Variants in SARDH observed in about 807,000 individuals in gnomAD.
SARDH encodes sarcosine dehydrogenase, also known as sarcosine dehydrogenase, mitochondrial.
In SARDH, 95 loss-of-function variants were observed where a neutral mutation model predicts 109.1. That is an observed-to-expected ratio of 0.87 (90% confidence interval 0.74 to 1.03). The LOEUF is 1.03. Among genes scored for constraint, SARDH ranks in the 50% least tolerant of loss-of-function variants. The pLI, the probability that SARDH is intolerant of heterozygous loss-of-function variation, is 0.00. For missense variants in SARDH, 1,267 were observed against 1,287.8 expected (o/e 0.98, Z 0.25); for synonymous variants, 572 against 534.8 (o/e 1.07, Z -0.96).
In SARDH at chr9:133,663,726, G is replaced by T; in HGVS notation, c.*163C>A. 3 of 946,530 alleles carry T rather than the reference G, an allele frequency of 3.2e-6. No individual in the cohort carries two copies. Among genetic ancestry groups the T allele is most frequent in the Non-Finnish European group, 3.2e-6 (2 of 622,056 alleles). The allele number at this position is 946,530 out of a possible 1,614,324, so 58.6% of individuals were successfully genotyped here. A position where few individuals can be genotyped will look rare whatever the true frequency, so the allele number is the denominator to read the frequency against. ...CAGTGACCACAGGATGGGCCATCTT[G>T]GTCTCTGTCCGTATCTGGTTTGGGG... On this transcript the variant is annotated 3_prime_UTR_variant, in exon 21 of 21. Transcript: ENST00000439388.
At chr9:133,713,292 G>A (rs971551264) in intron 8 of SARDH, among the ~76,000 whole-genome samples, 168 bp from the exon 9 acceptor site, 3 of 146,196 alleles carry the variant, frequency 2.1e-5, no homozygotes, top group Non-Finnish European at 3.0e-5. Flanking sequence ...GGGCCTCCCC[G>A]CTGGCTCCTG....
chr9:133,717,649 C>T (rs1361060748), intron 7 of SARDH, among the ~76,000 whole-genome samples, 194 bp from the exon 8 acceptor site: 1 of 151,820 alleles, frequency 6.6e-6, no homozygotes, highest in Non-Finnish European at 1.5e-5. Flanking sequence ...TGTCTGCTCC[C>T]CCTCCCCACC....
At position 133,670,612 on chromosome 9, in the gene SARDH, G is replaced by T. The variant is rs368340490; in HGVS notation, c.2467C>A (p.Arg823=). The change falls in exon 19 of 21, where the codon CGG becomes AGG. Residue 823 remains arginine, a synonymous_variant. Coordinates refer to ENST00000439388, the MANE Select transcript of SARDH (RefSeq NM_001134707.2). ...LEQQRAAGLR[R]RLVCFTMEDK... ...TCCATGGTGAAGCACACCAGGCGCC[G>T]GCGGAGGCCTGCGGCCCGCTGCTGC... is the stretch of plus-strand genomic sequence containing the variant. 5 of 1,578,372 alleles carry T rather than the reference G, an allele frequency of 3.2e-6. No individual in the cohort carries two copies. Among genetic ancestry groups the T allele is most frequent in the Admixed American group, 1.8e-5 (1 of 54,928 alleles).
intron 6 of SARDH, among the ~76,000 whole-genome samples, chr9:133,720,500 C>T (rs1041735973): frequency 2.0e-5 from 3 of 152,206 alleles, no homozygotes; most frequent in South Asian, 2.1e-4. Context: ...TGTGTTCTCA[C>T]GCTGCTAATA....
Position 133,733,875 on chromosome 9 carries a change from C to G in SARDH, c.299G>C (p.Arg100Pro). 1 of 1,488,430 alleles carries G rather than the reference C, an allele frequency of 6.7e-7. No homozygotes were observed. The highest frequency in any genetic ancestry group is 8.9e-7 in the Non-Finnish European group (1 of 1,119,042). 92.2% of individuals were successfully genotyped at this position (1,488,430 alleles called of 1,614,324 possible). A position where few individuals can be genotyped will look rare whatever the true frequency, so the allele number is the denominator to read the frequency against. ...GTGCCAGGTGGTCCCGGAGGTCAGCCGCTCCCGCTCCAGCAGCACCGCCCC... is the reference window on the plus strand; with the variant it reads ...GTGCCAGGTGGTCCCGGAGGTCAGCGGCTCCCGCTCCAGCAGCACCGCCCC... ...MSGAVLLERE[R>P]LTSGTTWHTA... The change falls in exon 2 of 21, where the codon CGG (arginine) becomes CCG (proline). Residue 100 changes from arginine (R) to proline (P), a missense_variant. By Grantham distance (103) the Arg-to-Pro change is moderately radical. Coordinates refer to ENST00000439388, the MANE Select transcript of SARDH (RefSeq NM_001134707.2).
chr9:133,695,924 C>T (rs1265110611), intron 14 of SARDH, among the ~76,000 whole-genome samples: 2 of 152,124 alleles, frequency 1.3e-5, no homozygotes, highest in Non-Finnish European at 2.9e-5. Context: ...GCCCCACAGT[C>T]CCAGGAGAGA....
chr9:133,672,029 A>G (rs1830367833), intron 17 of SARDH, among the ~76,000 whole-genome samples: 1 of 152,188 alleles, frequency 6.6e-6, no homozygotes, highest in Non-Finnish European at 1.5e-5. Flanking sequence ...CAATAACAGT[A>G]AACTCTCTCT....
At chr9:133,726,051 T>C (rs1051424545) in intron 6 of SARDH, among the ~76,000 whole-genome samples, 5 of 152,174 alleles carry the variant, frequency 3.3e-5, no homozygotes, top group African/African-American at 1.2e-4. Context: ...AGGTGGCACA[T>C]AGAAGTTCCT....
chr9:133,732,379 C>CCCCCCCCCCTT, intron 3 of SARDH, 44 bp downstream of exon 3: 2 of 711,552 alleles, frequency 2.8e-6, no homozygotes, highest in Non-Finnish European at 2.3e-6. Flanking sequence ...AGTGCACCCA[C>CCCCCCCCCCTT]CCACCCAAGC....
At chr9:133,698,362 C>A (rs1831364277) in intron 13 of SARDH, among the ~76,000 whole-genome samples, 1 of 152,150 alleles carries the variant, frequency 6.6e-6, no homozygotes, top group African/African-American at 2.4e-5. Context: ...ATCTACAGAC[C>A]TAACACAGTC....
chr9:133,707,457 A>C (rs1415477487), intron 11 of SARDH, among the ~76,000 whole-genome samples: 2 of 152,062 alleles, frequency 1.3e-5, no homozygotes, highest in Admixed American at 6.5e-5. Flanking sequence ...CAGCCCTGTG[A>C]CCACTCTGGG....
chr9:133,720,075 A>T (rs2131471257), intron 6 of SARDH, among the ~76,000 whole-genome samples: 1 of 150,784 alleles, frequency 6.6e-6, no homozygotes, highest in Non-Finnish European at 1.5e-5. Context: ...GTGCCACTGC[A>T]CTCCAGCCTG....
At chr9:133,733,708 T>C (rs937542029) in intron 2 of SARDH, 135 bp downstream of exon 2, 23 of 807,638 alleles carry the variant, frequency 2.8e-5, no homozygotes, top group Non-Finnish European at 4.0e-5. Flanking sequence ...ACCTGCAAAC[T>C]GGCCATGCAC....
At chr9:133,695,260 T>C (rs1487660372) in intron 14 of SARDH, among the ~76,000 whole-genome samples, 1 of 152,080 alleles carries the variant, frequency 6.6e-6, no homozygotes. Flanking sequence ...CTGGCCAATA[T>C]GGCGAAACCC....
downstream of SARDH, among the ~76,000 whole-genome samples, chr9:133,661,846 G>A (rs1046115133): frequency 5.3e-5 from 8 of 152,300 alleles, no homozygotes; most frequent in South Asian, 2.1e-4. Flanking sequence ...CACAGTGAGC[G>A]TCATGGTATC....
chr9:133,689,786 T>C (rs977914151), intron 16 of SARDH, among the ~76,000 whole-genome samples: 7 of 152,124 alleles, frequency 4.6e-5, no homozygotes, highest in African/African-American at 1.7e-4. Flanking sequence ...GAGGGGTCTT[T>C]CCAAGGTGCA....
At chr9:133,661,360 A>G (rs1832411854), downstream of SARDH, among the ~76,000 whole-genome samples, 1 of 144,034 alleles carries the variant, frequency 6.9e-6, no homozygotes, top group Non-Finnish European at 1.6e-5. Context: ...CAACAACAAC[A>G]AAAAAAAACA....
chr9:133,687,554 T>C (rs942948065), intron 16 of SARDH, among the ~76,000 whole-genome samples: 6 of 152,102 alleles, frequency 3.9e-5, no homozygotes, highest in Non-Finnish European at 8.8e-5. Context: ...GTGCTAGGGT[T>C]GCAGGCATGA....
Position 133,734,329 on chromosome 9 carries a change from GCATTCATTCATTCACTCATT to G in SARDH, c.-30-146_-30-127del, listed in dbSNP as rs1361840161. ...GCCTTCCTCTTGCCACTTCCCCATG[GCATTCATTCATTCACTCATT>G]CATTCATTCATTCACTCATTCATTC... On this transcript the variant is annotated intron_variant, in intron 1 of 20. Coordinates refer to ENST00000439388, the MANE Select transcript of SARDH (RefSeq NM_001134707.2). 732 of 454,330 alleles carry G rather than the reference GCATTCATTCATTCACTCATT, an allele frequency of 1.6e-3. 4 individuals carry two copies. In the African/African-American group the frequency reaches 0.018, roughly 11 times the overall value. The allele number at this position is 454,330 out of a possible 1,614,324, so 28.1% of individuals were successfully genotyped here.
Sources: gnomAD v4.1 joint callset for allele counts (sites outside exome capture counted in the v4.1 genomes callset) on GRCh38, gnomAD v4.1.1 for gene constraint, MANE v1.5 for transcripts, NCBI Gene and HGNC (gene_info 2026-07-23, HGNC 2026-07-21) for gene names.